Variants in EEA1 observed in about 807,000 individuals in gnomAD.
The protein encoded by EEA1 is early endosome antigen 1, 162kD.
Under a neutral mutation model 209.2 loss-of-function variants are expected in EEA1, and 111 were observed. That is an observed-to-expected ratio of 0.53 (90% CI 0.45 to 0.62). The LOEUF is 0.62. Ranked by LOEUF, EEA1 falls within the 20% of genes least tolerant of loss-of-function variation. The pLI, the probability that EEA1 is intolerant of heterozygous loss-of-function variation, is 0.00. For missense variants in EEA1, 1,343 were observed against 1,530.8 expected (o/e 0.88, Z 2.05); for synonymous variants, 536 against 540.6 (o/e 0.99, Z 0.12).
chr12:92,809,840 T>C (rs1006743633), intron 17 of EEA1, among the ~76,000 whole-genome samples: 1 of 152,182 alleles, frequency 6.6e-6, no homozygotes, highest in African/African-American at 2.4e-5. Flanking sequence ...TTAAAACATA[T>C]TATCTTTTAT....
At chr12:92,827,774 G>T in intron 12 of EEA1, 138 bp downstream of exon 12, 1 of 840,390 alleles carries the variant, frequency 1.2e-6, no homozygotes, top group Non-Finnish European at 1.7e-6. Flanking sequence ...TAGTTAATAA[G>T]CAAGATGTTG....
At chr12:92,920,384 T>C (rs1376134367) in intron 1 of EEA1, among the ~76,000 whole-genome samples, 1 of 141,054 alleles carries the variant, frequency 7.1e-6, no homozygotes, top group Non-Finnish European at 1.5e-5. Context: ...AGCATGGTAC[T>C]GGTACCAAAA....
rs1042493542 is a variant in EEA1 at position 92,811,186 on chromosome 12, G to A, written c.2199+93C>T. Reference sequence around the variant, plus strand: ...TTATACCACAACTTCACCTTTCTTTGTTAACTAAAAATCTTTGATTCCATG... The same window carrying A: ...TTATACCACAACTTCACCTTTCTTTATTAACTAAAAATCTTTGATTCCATG... On this transcript the variant is annotated intron_variant, in intron 17 of 28. Transcript: ENST00000322349. 1.2e-5 allele frequency: 11 copies of A among 906,624 alleles called. No homozygotes were observed. In the African/African-American group the frequency reaches 1.7e-4, roughly 14 times the overall value. The allele number at this position is 906,624 out of a possible 1,614,324, so 56.2% of individuals were successfully genotyped here.
At chr12:92,927,449 T>G (rs1881254154) in intron 1 of EEA1, among the ~76,000 whole-genome samples, 1 of 152,258 alleles carries the variant, frequency 6.6e-6, no homozygotes, top group Admixed American at 6.5e-5. Flanking sequence ...TTGATAGGTA[T>G]GCACCAACAT....
chr12:92,901,137 T>G (rs1880124634), intron 1 of EEA1, among the ~76,000 whole-genome samples: 1 of 152,246 alleles, frequency 6.6e-6, no homozygotes, highest in Non-Finnish European at 1.5e-5. Flanking sequence ...TCTGTTTCCT[T>G]TATTTTTCCA....
chr12:92,819,042 A>C (rs1454258976), intron 14 of EEA1, among the ~76,000 whole-genome samples: 1 of 152,192 alleles, frequency 6.6e-6, no homozygotes, highest in African/African-American at 2.4e-5. Flanking sequence ...TGAGCTAATA[A>C]TGTAAAATGA....
intron 21 of EEA1, among the ~76,000 whole-genome samples, chr12:92,796,795 T>C (rs1874670523): frequency 6.6e-6 from 1 of 152,170 alleles, no homozygotes; most frequent in South Asian, 2.1e-4. Flanking sequence ...CCATATAATA[T>C]CCAACAACTA....
chr12:92,822,706 C>T (rs1290001401), intron 13 of EEA1, among the ~76,000 whole-genome samples: 2 of 152,168 alleles, frequency 1.3e-5, no homozygotes, highest in Non-Finnish European at 2.9e-5. Context: ...TCACTATGCT[C>T]TCTCTTCTGG....
chr12:92,837,486 A>G (rs1431651333), intron 10 of EEA1, among the ~76,000 whole-genome samples: 1 of 152,194 alleles, frequency 6.6e-6, no homozygotes, highest in Admixed American at 6.5e-5. Flanking sequence ...AAGGAGAGCA[A>G]TGGAGAAAAG....
At chr12:92,914,613 C>T (rs929865279) in intron 1 of EEA1, among the ~76,000 whole-genome samples, 1 of 152,022 alleles carries the variant, frequency 6.6e-6, no homozygotes, top group African/African-American at 2.4e-5. Context: ...TCACTTGAGG[C>T]CAAGAGTTTA....
At chr12:92,884,133 G>C (rs1482045952) in intron 2 of EEA1, 1 of 1,206,828 alleles carries the variant, frequency 8.3e-7, no homozygotes, top group Non-Finnish European at 1.2e-6. Flanking sequence ...CAACACCTAA[G>C]AGATTATTTT....
intron 13 of EEA1, among the ~76,000 whole-genome samples, chr12:92,820,644 T>C (rs1187163665): frequency 2.0e-5 from 3 of 152,162 alleles, no homozygotes; most frequent in Non-Finnish European, 2.9e-5. Flanking sequence ...ACCTAATGCA[T>C]GCGGGGCTTA....
chr12:92,829,664 G>A (rs1413632221), intron 11 of EEA1, among the ~76,000 whole-genome samples: 1 of 150,034 alleles, frequency 6.7e-6, no homozygotes, highest in Non-Finnish European at 1.5e-5. Flanking sequence ...CTGAAGTCCC[G>A]GCTACTCAGG....
At chr12:92,920,934 C>T (rs1296495504) in intron 1 of EEA1, among the ~76,000 whole-genome samples, 4 of 151,470 alleles carry the variant, frequency 2.6e-5, no homozygotes, top group Non-Finnish European at 5.9e-5. Context: ...AAAAAGTGGG[C>T]GAAGGACATG....
At position 92,800,136 on chromosome 12, in the gene EEA1, C is replaced by T. The variant is rs138653998; in HGVS notation, c.2773-1050G>A. Among the ~76,000 whole-genome samples the T allele has an allele frequency of 2.2e-3, 338 of 151,872 alleles. 1 individual carries two copies. The highest frequency in any genetic ancestry group is 7.7e-3 in the African/African-American group (319 of 41,404). ...ACTTGGGAGGCTGAGGCAGGAGAAT[C>T]GCTTGAACTTAGGAGGTGGAGGTTG... On this transcript the variant is annotated intron_variant, in intron 20 of 28. Transcript: ENST00000322349.
Position 92,776,136 on chromosome 12 carries a change from G to A in EEA1, c.4114-3C>T, listed in dbSNP as rs1465554541. The A allele has an allele frequency of 1.4e-5, 23 of 1,598,432 alleles. No homozygotes were observed. Among genetic ancestry groups the A allele is most frequent in the Non-Finnish European group, 1.4e-5 (17 of 1,172,530 alleles). On this transcript the variant is annotated splice_polypyrimidine_tract_variant and splice_region_variant and intron_variant, in intron 28 of 28. Transcript: ENST00000322349. ...TTTCCACACTGTCGGCAGTGATGCTGTAAATGACAAAAATTAAACAATTTC... is the reference window on the plus strand; with the variant it reads ...TTTCCACACTGTCGGCAGTGATGCTATAAATGACAAAAATTAAACAATTTC...
intron 14 of EEA1, among the ~76,000 whole-genome samples, chr12:92,817,065 G>T (rs1875828217): frequency 6.6e-6 from 1 of 150,894 alleles, no homozygotes; most frequent in South Asian, 2.1e-4. Flanking sequence ...TGCATCCATT[G>T]AAATTTTAAA....
chr12:92,858,349 T>C (rs1877981431), intron 3 of EEA1: 13 of 846,108 alleles, frequency 1.5e-5, no homozygotes, highest in Non-Finnish European at 2.4e-5. Context: ...ATTAAACACA[T>C]TGGATATGAT....
rs1053063781 is a variant in EEA1 at position 92,774,566 on chromosome 12, C to T, written c.*1445G>A. 5 of 151,750 alleles carry T rather than the reference C, an allele frequency of 3.3e-5. No homozygotes were observed. Among genetic ancestry groups the T allele is most frequent in the South Asian group, 2.1e-4 (1 of 4,824 alleles). 9.4% of individuals were successfully genotyped at this position (151,750 alleles called of 1,614,324 possible). A position where few individuals can be genotyped will look rare whatever the true frequency, so the allele number is the denominator to read the frequency against. Reference sequence around the variant, plus strand: ...ATAACTTCTCTCTTGAGATGTTTTACAATTTTCCAAATTAATAAGACTATG... The same window carrying T: ...ATAACTTCTCTCTTGAGATGTTTTATAATTTTCCAAATTAATAAGACTATG... On this transcript the variant is annotated 3_prime_UTR_variant, in exon 29 of 29. Coordinates refer to ENST00000322349, the MANE Select transcript of EEA1 (RefSeq NM_003566.4).
Sources: allele counts gnomAD v4.1 joint callset (sites outside exome capture counted in the v4.1 genomes callset), GRCh38; gene constraint gnomAD v4.1.1; transcripts MANE v1.5; gene names NCBI Gene and HGNC (gene_info 2026-07-23, HGNC 2026-07-21).